The following RBMS3 variants were observed in gnomAD, a reference collection of about 807,000 sequenced individuals.
RBMS3 encodes the protein RNA binding motif single stranded interacting protein 3, also known as RNA-binding motif, single-stranded-interacting protein 3.
RBMS3 carries 27 observed loss-of-function variants against 66.8 expected under a neutral mutation model. The observed-to-expected ratio is 0.40, with a 90% CI of 0.30 to 0.56. The LOEUF is 0.56. Ranked by LOEUF, RBMS3 falls within the 20% of genes least tolerant of loss-of-function variation. The pLI is 0.40. For missense variants in RBMS3, 513 were observed against 549.5 expected (o/e 0.93, Z 0.66); for synonymous variants, 188 against 183.0 (o/e 1.03, Z -0.22).
At chr3:29,679,043 G>A (rs901228542) in intron 4 of RBMS3, among the ~76,000 whole-genome samples, 7 of 152,000 alleles carry the variant, frequency 4.6e-5, no homozygotes, top group Non-Finnish European at 8.8e-5. Flanking sequence ...GCTCCAGATA[G>A]TCCTAGAATC....
At chr3:29,809,743 T>C (rs1431388353) in intron 6 of RBMS3, among the ~76,000 whole-genome samples, 1 of 152,036 alleles carries the variant, frequency 6.6e-6, no homozygotes, top group African/African-American at 2.4e-5. Flanking sequence ...AAAAGTCTGA[T>C]GACTATGATG....
At chr3:29,828,495 C>T (rs985303107) in intron 6 of RBMS3, among the ~76,000 whole-genome samples, 9 of 152,086 alleles carry the variant, frequency 5.9e-5, no homozygotes, top group Non-Finnish European at 1.2e-4. Flanking sequence ...TCTATTTTTT[C>T]CCAAATCCTT....
chr3:29,799,364 C>G (rs1258266913), intron 6 of RBMS3, among the ~76,000 whole-genome samples: 1 of 152,132 alleles, frequency 6.6e-6, no homozygotes, highest in East Asian at 1.9e-4. Context: ...AATGCAATTT[C>G]TTCATGCATG....
At chr3:29,306,957 T>G (rs934066025) in intron 1 of RBMS3, among the ~76,000 whole-genome samples, 3 of 151,958 alleles carry the variant, frequency 2.0e-5, no homozygotes, top group African/African-American at 7.2e-5. Context: ...CCAAAAGCCT[T>G]GCATCTTGTT....
chr3:29,656,637 TG>T (rs1190346683), intron 4 of RBMS3, among the ~76,000 whole-genome samples: 1 of 152,196 alleles, frequency 6.6e-6, no homozygotes, highest in East Asian at 1.9e-4. Context: ...AGTTTATACC[TG>T]TTAGCAGGTG....
chr3:29,880,232 C>A (rs2077642272), intron 7 of RBMS3, among the ~76,000 whole-genome samples: 2 of 151,874 alleles, frequency 1.3e-5, no homozygotes, highest in Non-Finnish European at 2.9e-5. Context: ...ACAAAAATAC[C>A]CCACTTTATT....
intron 1 of RBMS3, among the ~76,000 whole-genome samples, chr3:29,336,211 A>G (rs1287174040): frequency 6.6e-6 from 1 of 152,180 alleles, no homozygotes; most frequent in Non-Finnish European, 1.5e-5. Context: ...GCACAGTTTG[A>G]AACAGGCTTT....
intron 12 of RBMS3, among the ~76,000 whole-genome samples, chr3:29,948,346 T>C (rs1208080431): frequency 6.6e-6 from 1 of 151,790 alleles, no homozygotes; most frequent in Non-Finnish European, 1.5e-5. Flanking sequence ...CCTCATTAAT[T>C]TGGAATTTGT....
At chr3:29,985,069 C>T (rs1259910292) in intron 12 of RBMS3, among the ~76,000 whole-genome samples, 1 of 152,232 alleles carries the variant, frequency 6.6e-6, no homozygotes, top group Admixed American at 6.5e-5. Context: ...ACTGGGGCTG[C>T]TGCCTTTCTT....
intron 2 of RBMS3, among the ~76,000 whole-genome samples, chr3:29,474,079 G>A (rs1427048037): frequency 6.6e-6 from 1 of 152,242 alleles, no homozygotes; most frequent in African/African-American, 2.4e-5. Flanking sequence ...AGGATTACAG[G>A]CATGAACTAC....
intron 1 of RBMS3, among the ~76,000 whole-genome samples, chr3:29,346,992 A>G (rs140437226): frequency 2.0e-5 from 3 of 152,238 alleles, no homozygotes; most frequent in African/African-American, 7.2e-5. Flanking sequence ...GCCAGATTTC[A>G]GGTTTTTTTC....
At chr3:29,775,201 T>A (rs1055770258) in intron 6 of RBMS3, among the ~76,000 whole-genome samples, 5 of 151,776 alleles carry the variant, frequency 3.3e-5, no homozygotes, top group Admixed American at 3.3e-4. Context: ...AATGGAGCAA[T>A]TAAAAAATAA....
chr3:29,771,176 G>A (rs190002237), intron 6 of RBMS3, among the ~76,000 whole-genome samples: 36 of 152,078 alleles, frequency 2.4e-4, no homozygotes, highest in Non-Finnish European at 4.7e-4. Context: ...AGCCCTGAAT[G>A]ATGAATCAAT....
intron 10 of RBMS3, among the ~76,000 whole-genome samples, chr3:29,911,114 G>A (rs1183693714): frequency 6.6e-6 from 1 of 152,034 alleles, no homozygotes; most frequent in Admixed American, 6.6e-5. Context: ...GGGAGTAGAG[G>A]AATAAGAACA....
At chr3:29,537,101 A>G (rs930311913) in intron 3 of RBMS3, among the ~76,000 whole-genome samples, 3 of 152,218 alleles carry the variant, frequency 2.0e-5, no homozygotes, top group Non-Finnish European at 4.4e-5. Flanking sequence ...ATAGATTTGG[A>G]ATGTTTATTA....
intron 4 of RBMS3, among the ~76,000 whole-genome samples, chr3:29,727,991 A>T (rs913288695): frequency 1.7e-4 from 26 of 152,196 alleles, no homozygotes; most frequent in African/African-American, 5.5e-4. Flanking sequence ...GATAAAGAAA[A>T]TCTGGCATAT....
chr3:29,673,453 C>T (rs1159352089), intron 4 of RBMS3, among the ~76,000 whole-genome samples: 3 of 149,594 alleles, frequency 2.0e-5, no homozygotes, highest in Non-Finnish European at 4.4e-5. Context: ...ATCAGTGAAT[C>T]CAGGAGCTGG....
At chr3:29,544,065 G>T (rs1166629923) in intron 3 of RBMS3, among the ~76,000 whole-genome samples, 2 of 152,004 alleles carry the variant, frequency 1.3e-5, no homozygotes, top group African/African-American at 4.8e-5. Flanking sequence ...AATAATAAGA[G>T]AATTGTCAAG....
intron 4 of RBMS3, among the ~76,000 whole-genome samples, chr3:29,733,720 C>T (rs1157662518): frequency 6.6e-6 from 1 of 152,032 alleles, no homozygotes; most frequent in Non-Finnish European, 1.5e-5. Flanking sequence ...TGTCTCCTTA[C>T]TCGGTTGATT....
Sources: gnomAD v4.1 joint callset for allele counts (sites outside exome capture counted in the v4.1 genomes callset) on GRCh38, gnomAD v4.1.1 for gene constraint, MANE v1.5 for transcripts, NCBI Gene and HGNC (gene_info 2026-07-23, HGNC 2026-07-21) for gene names.